Variants in AGO2 observed in about 807,000 individuals in gnomAD.
The protein encoded by AGO2 is argonaute RISC catalytic component 2.
In AGO2, 5 loss-of-function variants were observed where a neutral mutation model predicts 102.3. That is an observed-to-expected ratio of 0.05 (90% CI 0.03 to 0.10). The LOEUF (loss-of-function observed/expected upper bound fraction) is 0.10. AGO2 is among the 10% of genes least tolerant of loss of function. AGO2 has a pLI of 1.00. For missense variants in AGO2, 541 were observed against 1,183.7 expected (o/e 0.46, Z 7.97); for synonymous variants, 449 against 473.1 (o/e 0.95, Z 0.66).
intron 4 of AGO2, among the ~76,000 whole-genome samples, chr8:140,562,140 G>A (rs574919209): frequency 1.3e-5 from 2 of 152,336 alleles, no homozygotes; most frequent in Admixed American, 6.5e-5. Flanking sequence ...CTCCTATCAC[G>A]AGTCCCAAGG....
At chr8:140,635,005 C>A (rs184530656) in intron 1 of AGO2, among the ~76,000 whole-genome samples, 1 of 151,416 alleles carries the variant, frequency 6.6e-6, no homozygotes, top group Non-Finnish European at 1.5e-5. Flanking sequence ...CCGGGCGCCC[C>A]GACCCGGCCT....
rs978354438 is a variant in AGO2, at chr8:140,589,065, C to T, written c.23-3754G>A. Among the ~76,000 whole-genome samples, 9 of 152,214 alleles carry T rather than the reference C, an allele frequency of 5.9e-5. No homozygotes were observed. The highest frequency in any genetic ancestry group is 1.7e-4 in the African/African-American group (7 of 41,460). On this transcript the variant is annotated intron_variant, in intron 1 of 18. Transcript: ENST00000220592. This position sits in a 1 kb window ranked among gnomAD's most constrained non-coding sequence, Gnocchi z 4.2. Reference sequence around the variant, plus strand: ...GACGTCAGCAGAGGTGGGCGGCAGGCGAGCCTCCTGCAGGAGCAGGCGGTC... The same window carrying T: ...GACGTCAGCAGAGGTGGGCGGCAGGTGAGCCTCCTGCAGGAGCAGGCGGTC...
chr8:140,608,554 G>GGGGACCTGAGCA (rs2074034848), intron 1 of AGO2, among the ~76,000 whole-genome samples: 1 of 152,224 alleles, frequency 6.6e-6, no homozygotes, highest in African/African-American at 2.4e-5. Flanking sequence ...GGACCGGGGC[G>GGGGACCTGAGCA]GGGACCTGAG....
At chr8:140,577,620 C>A (rs2073487363) in intron 2 of AGO2, among the ~76,000 whole-genome samples, 1 of 152,174 alleles carries the variant, frequency 6.6e-6, no homozygotes, top group Non-Finnish European at 1.5e-5. Context: ...GGAGGGAGGC[C>A]ATGGCGCTGG....
Position 140,585,320 on chromosome 8 carries a change from G to A in AGO2, c.23-9C>T, listed in dbSNP as rs1046166078. On this transcript the variant is annotated splice_polypyrimidine_tract_variant and intron_variant, in intron 1 of 18. Transcript: ENST00000220592. ...CGCAGGAGGTGCAAGTGCTGGAATG[G>A]CAGAGAGAACACCCATTAACGGGGG... 7.4e-6 allele frequency: 12 copies of A among 1,612,690 alleles called. No homozygotes were observed. The highest frequency in any genetic ancestry group is 1.0e-5 in the Non-Finnish European group (12 of 1,179,372).
chr8:140,556,136 C>T, intron 9 of AGO2, 31 bp downstream of exon 9: 1 of 1,613,548 alleles, frequency 6.2e-7, no homozygotes, highest in Non-Finnish European at 8.5e-7. Context: ...CTGGATTCCA[C>T]AGGGCAGCCC....
At chr8:140,638,910 G>A (rs928693409), upstream of AGO2, among the ~76,000 whole-genome samples, 1 of 151,952 alleles carries the variant, frequency 6.6e-6, no homozygotes, top group Admixed American at 6.6e-5. Flanking sequence ...TCTAGACAGG[G>A]TCTCACTCTA....
chr8:140,528,237 G>A lies in AGO2; in HGVS notation c.*3807C>T, dbSNP rs2132843691. Reference sequence around the variant, plus strand: ...AAACATTAGGCAATTTATAAAAGTTGGGGAAATAATTTCTATCATATCCAT... The same window carrying A: ...AAACATTAGGCAATTTATAAAAGTTAGGGAAATAATTTCTATCATATCCAT... On this transcript the variant is annotated 3_prime_UTR_variant, in exon 19 of 19. Coordinates refer to ENST00000220592, the MANE Select transcript of AGO2 (RefSeq NM_012154.5). The surrounding 1 kb of genome is among the most constrained non-coding windows in gnomAD (Gnocchi z 4.5). 6.6e-6 allele frequency: 1 copy of A among 152,262 alleles called. No individual in the cohort carries two copies. The highest frequency in any genetic ancestry group is 2.4e-5 in the African/African-American group (1 of 41,554). 9.4% of individuals were successfully genotyped at this position (152,262 alleles called of 1,614,324 possible).
intron 3 of AGO2, among the ~76,000 whole-genome samples, chr8:140,565,779 G>T (rs1046095326): frequency 1.3e-5 from 2 of 152,110 alleles, no homozygotes; most frequent in African/African-American, 4.8e-5. Flanking sequence ...ACGTTTTGGG[G>T]GAGTCAAAAG....
chr8:140,599,922 G>A (rs1282012636), intron 1 of AGO2, among the ~76,000 whole-genome samples: 6 of 152,178 alleles, frequency 3.9e-5, no homozygotes, highest in African/African-American at 7.2e-5. Flanking sequence ...GGGTTTCACC[G>A]TGTTGGCCAA....
intron 1 of AGO2, chr8:140,592,922 A>G (rs7814116): frequency 1.3e-5 from 2 of 152,204 alleles, no homozygotes; most frequent in African/African-American, 4.8e-5. Context: ...CTGAGGAGCC[A>G]GGAGCTCCAT....
chr8:140,585,377 G>A (rs983807058), intron 1 of AGO2, 66 bp from the exon 2 acceptor site: 112 of 1,524,770 alleles, frequency 7.3e-5, no homozygotes, highest in Middle Eastern at 2.4e-4. Flanking sequence ...TTCCCATCCC[G>A]CGGCCCCAAG....
chr8:140,547,377 G>A, intron 13 of AGO2, 91 bp downstream of exon 13: 1 of 1,495,478 alleles, frequency 6.7e-7, no homozygotes, highest in Non-Finnish European at 9.0e-7. Context: ...AAGGGACCCT[G>A]CCCCCCTGCC....
At position 140,539,754 on chromosome 8, in the gene AGO2, T is replaced by C. The variant is rs1448750664; in HGVS notation, c.2035-300A>G. Among the ~76,000 whole-genome samples the C allele has an allele frequency of 6.6e-6, 1 of 152,176 alleles. No individual in the cohort carries two copies. Among genetic ancestry groups the C allele is most frequent in the Non-Finnish European group, 1.5e-5 (1 of 68,038 alleles). On this transcript the variant is annotated intron_variant, in intron 15 of 18. Coordinates refer to ENST00000220592, the MANE Select transcript of AGO2 (RefSeq NM_012154.5). The surrounding 1 kb of genome is among the most constrained non-coding windows in gnomAD (Gnocchi z 4.7). ...CAGGGATGCAGGCTGGGCTCTGCGC[T>C]GAGAAGGCACATGCAGAGGCCAAGC...
At position 140,611,235 on chromosome 8, in the gene AGO2, G is replaced by A. The variant is rs984441527; in HGVS notation, c.22+24250C>T. 3.3e-5 allele frequency among the ~76,000 whole-genome samples: 5 copies of A among 152,236 alleles called. 1 individual carries two copies. Among genetic ancestry groups the A allele is most frequent in the Non-Finnish European group, 5.9e-5 (4 of 68,038 alleles). On this transcript the variant is annotated intron_variant, in intron 1 of 18. Coordinates refer to ENST00000220592, the MANE Select transcript of AGO2 (RefSeq NM_012154.5). ...GACGCTGGACTCACCACCACAGCAC[G>A]TGCACAGCACGGGGACGAAGCCAGC...
At chr8:140,547,701 A>ACCAGCCCTCTTGCCC in intron 12 of AGO2, 74 bp from the exon 13 acceptor site, 1 of 1,542,458 alleles carries the variant, frequency 6.5e-7, no homozygotes, top group East Asian at 2.3e-5. Flanking sequence ...AGCAGCTGCC[A>ACCAGCCCTCTTGCCC]CCAGCCCTCT....
intron 1 of AGO2, among the ~76,000 whole-genome samples, chr8:140,630,965 G>A (rs546663925): frequency 2.0e-4 from 31 of 152,212 alleles, no homozygotes; most frequent in Middle Eastern, 3.4e-3. Flanking sequence ...GAGGTGGGAG[G>A]GCGGCTTGTG....
At chr8:140,587,913 C>A (rs2073682975) in intron 1 of AGO2, among the ~76,000 whole-genome samples, 1 of 152,218 alleles carries the variant, frequency 6.6e-6, no homozygotes, top group Non-Finnish European at 1.5e-5. Flanking sequence ...CAGGTCCTGG[C>A]TCCCACTGCC....
At chr8:140,551,139 C>T (rs2072986174) in intron 11 of AGO2, among the ~76,000 whole-genome samples, 164 bp downstream of exon 11, 1 of 152,178 alleles carries the variant, frequency 6.6e-6, no homozygotes. Context: ...TTGCCCTGGC[C>T]CGGCCAATGG....
Sources: allele counts gnomAD v4.1 joint callset (sites outside exome capture counted in the v4.1 genomes callset), GRCh38; gene constraint gnomAD v4.1.1; non-coding constraint Gnocchi (gnomAD v3.1); transcripts MANE v1.5; gene names NCBI Gene and HGNC (gene_info 2026-07-23, HGNC 2026-07-21).